Variants in CTNNA3 observed in about 807,000 individuals in gnomAD.
The protein encoded by CTNNA3 is catenin alpha-3.
Under a neutral mutation model 95.7 loss-of-function variants are expected in CTNNA3, and 76 were observed. The observed-to-expected ratio is 0.79, with a 90% CI of 0.66 to 0.96. The LOEUF (loss-of-function observed/expected upper bound fraction) is 0.96. CTNNA3 is among the 40% of genes least tolerant of loss of function. The pLI is 0.00. For missense variants in CTNNA3, 1,191 were observed against 1,089.8 expected (o/e 1.09, Z -1.31); for synonymous variants, 431 against 374.4 (o/e 1.15, Z -1.74).
At chr10:66,764,341 T>C (rs1302397999) in intron 9 of CTNNA3, among the ~76,000 whole-genome samples, 1 of 152,150 alleles carries the variant, frequency 6.6e-6, no homozygotes, top group Non-Finnish European at 1.5e-5. Context: ...AAGGTAGCAT[T>C]CCCAAGTGTT....
chr10:67,408,464 T>C (rs1377645288), intron 5 of CTNNA3, among the ~76,000 whole-genome samples: 23 of 151,916 alleles, frequency 1.5e-4, no homozygotes, highest in Non-Finnish European at 2.9e-4. Flanking sequence ...TCAACAAACC[T>C]GACAAAAATG....
intron 10 of CTNNA3, among the ~76,000 whole-genome samples, chr10:66,606,981 G>A (rs749009493): frequency 2.0e-5 from 3 of 151,992 alleles, no homozygotes; most frequent in Non-Finnish European, 2.9e-5. Context: ...AAAGATCAAC[G>A]AATCCAGGAG....
chr10:67,720,220 G>A (rs1050289942), intron 1 of CTNNA3, among the ~76,000 whole-genome samples: 10 of 145,520 alleles, frequency 6.9e-5, no homozygotes, highest in Non-Finnish European at 1.5e-4. Context: ...CTTTGCACGT[G>A]AAATGGGTCT....
At chr10:66,870,142 T>A (rs975900761) in intron 7 of CTNNA3, among the ~76,000 whole-genome samples, 18 of 151,948 alleles carry the variant, frequency 1.2e-4, no homozygotes, top group African/African-American at 4.4e-4. Flanking sequence ...AGCTGAGAAT[T>A]TTTTTTTAAA....
intron 7 of CTNNA3, among the ~76,000 whole-genome samples, chr10:67,083,068 G>A (rs1480465332): frequency 6.6e-6 from 1 of 152,140 alleles, no homozygotes; most frequent in Non-Finnish European, 1.5e-5. Flanking sequence ...GGAGAGGCAA[G>A]TGTGATCAGG....
chr10:65,926,986 A>T (rs2077177633), intron 17 of CTNNA3, among the ~76,000 whole-genome samples: 1 of 151,814 alleles, frequency 6.6e-6, no homozygotes, highest in African/African-American at 2.4e-5. Context: ...AGTCTTTTAG[A>T]TTTTCTATGT....
At chr10:66,001,773 C>G (rs964716502) in intron 15 of CTNNA3, among the ~76,000 whole-genome samples, 1 of 152,046 alleles carries the variant, frequency 6.6e-6, no homozygotes, top group Non-Finnish European at 1.5e-5. Context: ...TGCATCAGCA[C>G]CTTTTCACTT....
intron 5 of CTNNA3, among the ~76,000 whole-genome samples, chr10:67,434,405 G>A (rs1385155014): frequency 1.3e-5 from 2 of 151,924 alleles, no homozygotes; most frequent in African/African-American, 4.8e-5. Context: ...AAGTATGGGT[G>A]CTTAATGAAC....
rs201365004 is a variant in CTNNA3, at chr10:66,928,400, T to C, written c.1048-152876A>G. On this transcript the variant is annotated intron_variant, in intron 7 of 17. Transcript: ENST00000433211. The stretch of plus-strand genomic sequence containing the variant: ...AACACGGAGACCAGCGAGATGCTGC[T>C]GAATGGGACGGGACCCTGCACCTAT... 268 of 1,614,102 alleles carry C rather than the reference T, an allele frequency of 1.7e-4. 2 individuals are homozygous for C. In the South Asian group the frequency reaches 2.3e-3, roughly 14 times the overall value.
intron 7 of CTNNA3, among the ~76,000 whole-genome samples, chr10:66,922,538 T>C (rs2132605378): frequency 6.6e-6 from 1 of 152,330 alleles, no homozygotes; most frequent in Non-Finnish European, 1.5e-5. Context: ...ATCTTCCCTC[T>C]TCAAACAATT....
intron 15 of CTNNA3, among the ~76,000 whole-genome samples, chr10:66,068,085 G>A (rs1365855500): frequency 2.6e-5 from 4 of 152,040 alleles, no homozygotes; most frequent in Admixed American, 1.3e-4. Flanking sequence ...TTTTCAACAC[G>A]ATGCTCTGTA....
At chr10:67,473,878 T>C (rs1325018727) in intron 5 of CTNNA3, among the ~76,000 whole-genome samples, 1 of 152,152 alleles carries the variant, frequency 6.6e-6, no homozygotes, top group African/African-American at 2.4e-5. Flanking sequence ...TTAAATCTAT[T>C]GGAACTTTAT....
At chr10:66,309,157 G>C (rs2091971052) in intron 12 of CTNNA3, among the ~76,000 whole-genome samples, 1 of 152,134 alleles carries the variant, frequency 6.6e-6, no homozygotes, top group South Asian at 2.1e-4. Flanking sequence ...AGGCATTTTA[G>C]AGGAAATTTT....
chr10:66,366,683 A>G (rs75016983), intron 12 of CTNNA3, among the ~76,000 whole-genome samples: 3,484 of 152,212 alleles, frequency 0.023, 79 homozygotes, highest in East Asian at 0.11. Context: ...GTTGTTTATA[A>G]CTTGCCCAGA....
chr10:66,329,214 G>C (rs905877507), intron 12 of CTNNA3, among the ~76,000 whole-genome samples: 6 of 151,750 alleles, frequency 4.0e-5, no homozygotes, highest in African/African-American at 9.7e-5. Flanking sequence ...GCCTCCTAAA[G>C]TGCTGGGATT....
intron 7 of CTNNA3, among the ~76,000 whole-genome samples, chr10:66,965,352 T>C (rs894460542): frequency 1.3e-5 from 2 of 152,024 alleles, no homozygotes; most frequent in Admixed American, 6.6e-5. Flanking sequence ...TTGGCCAACA[T>C]GGTGAAACCC....
At chr10:65,960,255 G>A (rs17819744) in intron 17 of CTNNA3, among the ~76,000 whole-genome samples, 33,114 of 151,218 alleles carry the variant, frequency 0.22, 4,122 homozygotes, top group Middle Eastern at 0.35. Context: ...CAGGGGGTAC[G>A]GCTGGGTGCA....
At chr10:66,898,518 A>T (rs1845592672) in intron 7 of CTNNA3, among the ~76,000 whole-genome samples, 1 of 152,184 alleles carries the variant, frequency 6.6e-6, no homozygotes, top group Admixed American at 6.5e-5. Context: ...AGACCAATGG[A>T]ACAGAATAGA....
At chr10:67,101,653 T>G (rs1380657020) in intron 7 of CTNNA3, among the ~76,000 whole-genome samples, 5 of 151,866 alleles carry the variant, frequency 3.3e-5, no homozygotes, top group African/African-American at 1.2e-4. Context: ...AAGAAAACAT[T>G]CCCAAATTTA....
Sources: gnomAD v4.1 joint callset for allele counts (sites outside exome capture counted in the v4.1 genomes callset) on GRCh38, gnomAD v4.1.1 for gene constraint, MANE v1.5 for transcripts, NCBI Gene and HGNC (gene_info 2026-07-23, HGNC 2026-07-21) for gene names.